Variants in COBLL1 observed in about 807,000 individuals in gnomAD.
COBLL1 encodes cordon-bleu protein-like 1.
COBLL1 carries 50 observed loss-of-function variants against 94.8 expected under a neutral mutation model. The observed-to-expected ratio is 0.53, with a 90% confidence interval of 0.42 to 0.67. COBLL1 has a LOEUF of 0.67. COBLL1 is among the 30% of genes least tolerant of loss of function. COBLL1 has a pLI of 0.00. For missense variants in COBLL1, 1,362 were observed against 1,348.7 expected, an observed-to-expected ratio of 1.01 and a Z score of -0.15; for synonymous variants, 448 against 473.8, an observed-to-expected ratio of 0.95 and a Z score of 0.71.
intron 7 of COBLL1, among the ~76,000 whole-genome samples, chr2:164,708,541 G>A (rs986109865): frequency 6.6e-6 from 1 of 152,102 alleles, no homozygotes; most frequent in African/African-American, 2.4e-5. Flanking sequence ...ACTTTCCCTT[G>A]ATATCTTAAG....
chr2:164,727,917 A>T, intron 5 of COBLL1, 52 bp downstream of exon 5: 1 of 1,248,334 alleles, frequency 8.0e-7, no homozygotes, highest in South Asian at 1.3e-5. Context: ...ATGCACAAAC[A>T]TATACAAATA....
rs567043601 is a variant in COBLL1, at chr2:164,841,160, C to T, written c.37G>A (p.Ala13Thr). ...GGCGCGGCGCTCTGGGCTTACCTGGCTGGGGCGTCCTGCGGGCGCGGGGTT... is the reference window on the plus strand; with the variant it reads ...GGCGCGGCGCTCTGGGCTTACCTGGTTGGGGCGTCCTGCGGGCGCGGGGTT... ...GRTPRPQDAP[A>T]RRKPKAKAPL... Residue 13 changes from alanine to threonine, a missense_variant, in exon 2 of 14, where the codon GCC (alanine) becomes ACC (threonine). Transcript: ENST00000652658. This position sits in a 1 kb window ranked among gnomAD's most constrained non-coding sequence, Gnocchi z 5.5. 2.5e-4 allele frequency: 313 copies of T among 1,231,246 alleles called. No homozygotes were observed. Among genetic ancestry groups the T allele is most frequent in the Non-Finnish European group, 3.1e-4 (304 of 988,066 alleles). The allele number at this position is 1,231,246 out of a possible 1,614,324, so 76.3% of individuals were successfully genotyped here.
chr2:164,731,034 T>A (rs1685980963), intron 3 of COBLL1, among the ~76,000 whole-genome samples: 1 of 152,138 alleles, frequency 6.6e-6, no homozygotes, highest in Non-Finnish European at 1.5e-5. Flanking sequence ...CAAACCACAA[T>A]GTGCAGGTCA....
chr2:164,783,264 T>C (rs928114682), intron 2 of COBLL1, among the ~76,000 whole-genome samples: 2 of 151,986 alleles, frequency 1.3e-5, no homozygotes, highest in East Asian at 3.9e-4. Flanking sequence ...GAAAAAAAAA[T>C]TAACCAGGTG....
chr2:164,790,374 AG>A (rs1683127133), intron 2 of COBLL1, among the ~76,000 whole-genome samples: 1 of 152,182 alleles, frequency 6.6e-6, no homozygotes, highest in Non-Finnish European at 1.5e-5. Context: ...GGGAATAAAT[AG>A]GTAAATCATT....
chr2:164,743,912 T>C lies in COBLL1; in HGVS notation c.42-37A>G, dbSNP rs748401968. 9.3e-6 allele frequency: 13 copies of C among 1,391,132 alleles called. No individual in the cohort carries two copies. The South Asian group carries it at 1.7e-4, about 18-fold the overall frequency. The allele number at this position is 1,391,132 out of a possible 1,614,324, so 86.2% of individuals were successfully genotyped here. A position where few individuals can be genotyped will look rare whatever the true frequency, so the allele number is the denominator to read the frequency against. On this transcript the variant is annotated intron_variant, in intron 2 of 13. Transcript: ENST00000652658. ...AGAAAACACAAAAAATACAAAATAT[T>C]TTATTTTTAAGGTAACTTTTTAATA...
rs184788466 is a variant in COBLL1 at position 164,673,532 on chromosome 2, G to C, written n.127-7631C>G. 4.6e-4 allele frequency among the ~76,000 whole-genome samples: 70 copies of C among 152,162 alleles called. No individual in the cohort carries two copies. The East Asian group carries it at 0.013, about 28-fold the overall frequency. On this transcript the variant is annotated intron_variant and non_coding_transcript_variant, in intron 1 of 2. Transcript: ENST00000495084. The stretch of plus-strand genomic sequence containing the variant: ...TCCACTAAAAATACAAAAATTAGCC[G>C]GGTGTGGTGGCGCATGTTTGTAATC...
intron 2 of COBLL1, among the ~76,000 whole-genome samples, chr2:164,779,008 C>T (rs1400417925): frequency 6.6e-6 from 1 of 152,106 alleles, no homozygotes; most frequent in African/African-American, 2.4e-5. Flanking sequence ...CAAGACTTCA[C>T]AGGAAATGAG....
chr2:164,750,865 C>T (rs1055945392), intron 2 of COBLL1, among the ~76,000 whole-genome samples: 1 of 152,142 alleles, frequency 6.6e-6, no homozygotes, highest in Non-Finnish European at 1.5e-5. Flanking sequence ...CAGGGCCTTA[C>T]AATCCACATT....
At chr2:164,819,601 T>G (rs1300396121) in intron 2 of COBLL1, among the ~76,000 whole-genome samples, 1 of 152,136 alleles carries the variant, frequency 6.6e-6, no homozygotes, top group Non-Finnish European at 1.5e-5. Context: ...TGTGCCAAAG[T>G]GTCAAACATA....
chr2:164,701,899 G>A (rs933431684), intron 9 of COBLL1, among the ~76,000 whole-genome samples: 5 of 151,034 alleles, frequency 3.3e-5, no homozygotes, highest in African/African-American at 9.7e-5. Flanking sequence ...TGGTGGGAGG[G>A]GGGGGCGGGG....
At position 164,822,747 on chromosome 2, in the gene COBLL1, T is replaced by A. The variant is rs970288076; in HGVS notation, c.41+18409A>T. On this transcript the variant is annotated intron_variant, in intron 2 of 13. Transcript: ENST00000652658. ...AAAGATTATATTATATTATTATTAT[T>A]ATTATTATTATTATTATTATTATTA... 1.8e-4 allele frequency among the ~76,000 whole-genome samples: 13 copies of A among 72,564 alleles called. 1 individual carries two copies. Among genetic ancestry groups the A allele is most frequent in the Admixed American group, 1.7e-3 (12 of 7,116 alleles). 47.6% of individuals were successfully genotyped at this position (72,564 alleles called of 152,430 possible). A position where few individuals can be genotyped will look rare whatever the true frequency, so the allele number is the denominator to read the frequency against.
At chr2:164,733,054 C>A (rs553979909) in intron 3 of COBLL1, among the ~76,000 whole-genome samples, 2 of 152,220 alleles carry the variant, frequency 1.3e-5, no homozygotes, top group African/African-American at 4.8e-5. Flanking sequence ...GACTCCATCT[C>A]AAAAAACAAA....
In COBLL1 at chr2:164,841,391, G is replaced by A. The variant is rs753010518; in HGVS notation, c.-50-145C>T. 4,266 of 1,175,892 alleles carry A rather than the reference G, an allele frequency of 3.6e-3. 7 individuals are homozygous for A. The highest frequency in any genetic ancestry group is 3.8e-3 in the Non-Finnish European group (3,634 of 952,686). 72.8% of individuals were successfully genotyped at this position (1,175,892 alleles called of 1,614,324 possible). On this transcript the variant is annotated intron_variant, in intron 1 of 13. Transcript: ENST00000652658. This position sits in a 1 kb window ranked among gnomAD's most constrained non-coding sequence, Gnocchi z 5.5. The stretch of plus-strand genomic sequence containing the variant: ...GGGTGCGCTTCCACCTGCGGGCCCC[G>A]GCTCCCAGCCCGCGGGCGCCGCCGC...
intron 9 of COBLL1, chr2:164,703,017 G>A: frequency 1.4e-6 from 1 of 718,016 alleles, no homozygotes; most frequent in Non-Finnish European, 2.4e-6. Context: ...GTTTACACAA[G>A]GTTTCAATAG....
At chr2:164,808,487 C>A (rs1485781229) in intron 2 of COBLL1, among the ~76,000 whole-genome samples, 1 of 152,164 alleles carries the variant, frequency 6.6e-6, no homozygotes. Context: ...TTCTAAATCA[C>A]CATTTCTACC....
At chr2:164,759,975 C>T (rs1574536077) in intron 2 of COBLL1, among the ~76,000 whole-genome samples, 1 of 152,132 alleles carries the variant, frequency 6.6e-6, no homozygotes, top group Admixed American at 6.5e-5. Context: ...GAAGGCCACT[C>T]TGGGAAGCAA....
rs550480871 is a variant in COBLL1, at chr2:164,717,387, T to A, written c.996+4688A>T. On this transcript the variant is annotated intron_variant, in intron 7 of 13. Coordinates refer to ENST00000652658, the MANE Select transcript of COBLL1 (RefSeq NM_001365672.2). ...TACATTTTCAAATTGAAAACTAAAT[T>A]GTTAAAATAGATACAAACGTTTATA... 3.1e-3 allele frequency among the ~76,000 whole-genome samples: 470 copies of A among 152,342 alleles called. 4 individuals carry two copies. The highest frequency in any genetic ancestry group is 0.018 in the South Asian group (86 of 4,832).
At position 164,700,891 on chromosome 2, in the gene COBLL1, G is replaced by A. The variant is rs1201713128; in HGVS notation, c.1226-135C>T. ...ATTCTGCCTCAAAAATAATAGTGAA[G>A]TTCTTTCTCCTGGTGAGCAGTCACG... On this transcript the variant is annotated intron_variant, in intron 9 of 13. Transcript: ENST00000652658. 2.7e-5 allele frequency: 17 copies of A among 622,758 alleles called. No individual in the cohort carries two copies. The East Asian group carries it at 4.6e-4, about 17-fold the overall frequency. 38.6% of individuals were successfully genotyped at this position (622,758 alleles called of 1,614,324 possible). A position where few individuals can be genotyped will look rare whatever the true frequency, so the allele number is the denominator to read the frequency against.
Sources: allele counts gnomAD v4.1 joint callset (sites outside exome capture counted in the v4.1 genomes callset), GRCh38; gene constraint gnomAD v4.1.1; non-coding constraint Gnocchi (gnomAD v3.1); transcripts MANE v1.5; gene names NCBI Gene and HGNC (gene_info 2026-07-23, HGNC 2026-07-21).